Variants in COL5A2 observed in about 807,000 individuals in gnomAD.
The protein encoded by COL5A2 is collagen type V alpha 2 chain.
COL5A2 carries 23 observed loss-of-function variants against 208.2 expected under a neutral mutation model. The observed-to-expected ratio is 0.11, with a 90% confidence interval of 0.08 to 0.16. COL5A2 has a LOEUF of 0.16. Among genes scored for constraint, COL5A2 ranks in the 10% least tolerant of loss-of-function variants. The pLI is 1.00. For missense variants in COL5A2, 1,590 were observed against 1,956.4 expected, an observed-to-expected ratio of 0.81 and a Z score of 3.53; for synonymous variants, 625 against 628.5, an observed-to-expected ratio of 0.99 and a Z score of 0.08.
the COL5A2 span, among the ~76,000 whole-genome samples, chr2:189,319,058 C>T: frequency 2.0e-5 from 3 of 151,624 alleles, no homozygotes; most frequent in Non-Finnish European, 4.4e-5. Flanking sequence ...CTATTTTAGA[C>T]ATATTTGAGA....
the COL5A2 span, among the ~76,000 whole-genome samples, chr2:189,348,338 T>C: frequency 1.8e-4 from 27 of 152,306 alleles, no homozygotes; most frequent in Admixed American, 5.2e-4. Context: ...CATGAGTTAA[T>C]TTATTTGCTC....
chr2:189,286,720 G>A, the COL5A2 span, among the ~76,000 whole-genome samples: 2 of 152,052 alleles, frequency 1.3e-5, no homozygotes, highest in Non-Finnish European at 2.9e-5. Context: ...TTCTAAATGA[G>A]CAAAATGTAG....
chr2:189,189,164 C>T (rs934411844), intron 1 of COL5A2, among the ~76,000 whole-genome samples: 1 of 152,094 alleles, frequency 6.6e-6, no homozygotes, highest in African/African-American at 2.4e-5. Flanking sequence ...CCTCAACATG[C>T]CAGAAGAATT....
the COL5A2 span, among the ~76,000 whole-genome samples, chr2:189,395,898 C>CAAAAAAAAAAA: frequency 3.8e-5 from 2 of 53,210 alleles, no homozygotes; most frequent in East Asian, 6.6e-4. Flanking sequence ...GGACACATCT[C>CAAAAAAAAAAA]AAAAAAAAAA....
At chr2:189,193,282 TA>T (rs1234992861) in intron 1 of COL5A2, among the ~76,000 whole-genome samples, 3 of 152,118 alleles carry the variant, frequency 2.0e-5, no homozygotes, top group South Asian at 4.1e-4. Flanking sequence ...ATTGATCTAA[TA>T]GGATGAACTA....
the COL5A2 span, among the ~76,000 whole-genome samples, chr2:189,300,181 C>T: frequency 1.3e-5 from 2 of 152,136 alleles, no homozygotes; most frequent in African/African-American, 4.8e-5. Context: ...AATTCCTTGC[C>T]AGTCAGCATA....
At chr2:189,100,843 C>A (rs760028291) in intron 3 of COL5A2, among the ~76,000 whole-genome samples, 1 of 151,876 alleles carries the variant, frequency 6.6e-6, no homozygotes, top group East Asian at 1.9e-4. Flanking sequence ...ATAGATATAG[C>A]AAATGTAATA....
the COL5A2 span, among the ~76,000 whole-genome samples, chr2:189,402,780 C>T: frequency 1.5e-5 from 2 of 129,620 alleles, no homozygotes. Flanking sequence ...GTACCATGCT[C>T]TTTTGGCTAT....
chr2:189,130,169 A>G (rs1032457123), intron 1 of COL5A2, among the ~76,000 whole-genome samples: 36 of 152,162 alleles, frequency 2.4e-4, no homozygotes, highest in Non-Finnish European at 4.7e-4. Context: ...CTAATTTCAC[A>G]TGAGAATTTT....
In COL5A2 at chr2:189,065,016, T is replaced by G; in HGVS notation, c.1605A>C (p.Leu535Phe). Residue 535 changes from leucine (L) to phenylalanine (F), a missense_variant, in exon 24 of 54, where the codon TTA becomes TTC. By Grantham distance (22) the Leu-to-Phe change is conservative. Coordinates refer to ENST00000374866, the MANE Select transcript of COL5A2 (RefSeq NM_000393.5). ...AGGGCAACCTCACCTTTGGCCCAGG[T>G]AAACCATCAGAGCCTGGAAAACCAC... ...GNRGFPGSDG[L>F]PGPKGAQGER... 6.2e-7 allele frequency: 1 copy of G among 1,613,820 alleles called. No homozygotes were observed. Among genetic ancestry groups the G allele is most frequent in the African/African-American group, 1.3e-5 (1 of 75,004 alleles).
the COL5A2 span, among the ~76,000 whole-genome samples, chr2:189,375,761 AC>A: frequency 6.6e-5 from 10 of 152,384 alleles, 1 homozygote; most frequent in East Asian, 1.9e-3. Flanking sequence ...AATTATTTAG[AC>A]ATCTGGAATT....
intron 7 of COL5A2, among the ~76,000 whole-genome samples, chr2:189,090,689 T>C (rs192675518): frequency 3.9e-5 from 6 of 152,294 alleles, no homozygotes; most frequent in African/African-American, 1.4e-4. Flanking sequence ...AATCCTAGCA[T>C]CCTTAGGAAT....
chr2:189,262,535 T>C, the COL5A2 span, among the ~76,000 whole-genome samples: 1 of 152,132 alleles, frequency 6.6e-6, no homozygotes, highest in African/African-American at 2.4e-5. Flanking sequence ...GTTCACCGAC[T>C]AGTTCTCTAA....
chr2:189,188,644 C>A (rs1688883979), intron 1 of COL5A2, among the ~76,000 whole-genome samples: 1 of 152,078 alleles, frequency 6.6e-6, no homozygotes, highest in Admixed American at 6.6e-5. Context: ...GGGAAATTGT[C>A]CAGAAACGCA....
chr2:189,377,310 T>C, the COL5A2 span, among the ~76,000 whole-genome samples: 1 of 152,174 alleles, frequency 6.6e-6, no homozygotes, highest in Non-Finnish European at 1.5e-5. Context: ...TCTGAAGCCT[T>C]CTCTAAACTT....
intron 1 of COL5A2, among the ~76,000 whole-genome samples, chr2:189,128,817 C>A (rs10165127): frequency 0.17 from 25,208 of 151,882 alleles, 3,075 homozygotes; most frequent in African/African-American, 0.35. Flanking sequence ...AAGACTATAT[C>A]TTCTGCTTCT....
At chr2:189,079,226 T>C in intron 14 of COL5A2, 119 bp from the exon 15 acceptor site, 2 of 788,304 alleles carry the variant, frequency 2.5e-6, no homozygotes, top group Non-Finnish European at 4.4e-6. Flanking sequence ...GATGTACTTT[T>C]GATATAGGAT....
chr2:189,241,678 G>A, the COL5A2 span, among the ~76,000 whole-genome samples: 5 of 152,224 alleles, frequency 3.3e-5, no homozygotes, highest in Admixed American at 1.3e-4. Context: ...AAAGCAAAAC[G>A]TTGTTCGAGA....
the COL5A2 span, among the ~76,000 whole-genome samples, chr2:189,289,682 A>T: frequency 6.6e-6 from 1 of 152,206 alleles, no homozygotes; most frequent in African/African-American, 2.4e-5. Context: ...AATTCAGTAA[A>T]GTTGCAAAAT....
Sources: allele counts gnomAD v4.1 joint callset (sites outside exome capture counted in the v4.1 genomes callset), GRCh38; gene constraint gnomAD v4.1.1; transcripts MANE v1.5; gene names NCBI Gene and HGNC (gene_info 2026-07-23, HGNC 2026-07-21).